The following TMEM182 variants were observed in gnomAD, a reference collection of about 807,000 sequenced individuals.
TMEM182 encodes the protein transmembrane protein 182.
TMEM182 carries 20 observed loss-of-function variants against 26.8 expected under a neutral mutation model. The observed-to-expected ratio is 0.75, with a 90% CI of 0.53 to 1.09. The LOEUF (loss-of-function observed/expected upper bound fraction) is 1.09, where lower values mean the gene tolerates loss of function less well. Ranked by LOEUF, TMEM182 falls within the 50% of genes least tolerant of loss-of-function variation. The pLI is 0.00. For missense variants in TMEM182, 277 were observed against 275.5 expected (o/e 1.01, Z -0.04); for synonymous variants, 109 against 102.2 (o/e 1.07, Z -0.40).
chr2:102,796,589 A>G (rs1348117419), intron 3 of TMEM182, among the ~76,000 whole-genome samples: 4 of 152,234 alleles, frequency 2.6e-5, no homozygotes, highest in African/African-American at 7.2e-5. Flanking sequence ...CAAAGCTGAC[A>G]TTAGTATCTC....
chr2:102,838,473 T>C (rs1248143685), intron 3 of TMEM182, among the ~76,000 whole-genome samples: 1 of 152,116 alleles, frequency 6.6e-6, no homozygotes, highest in East Asian at 1.9e-4. Context: ...CTGCAGGTGG[T>C]CAGGGAAGGC....
chr2:102,799,047 A>C (rs1286553071), intron 4 of TMEM182, among the ~76,000 whole-genome samples: 1 of 152,230 alleles, frequency 6.6e-6, no homozygotes, highest in African/African-American at 2.4e-5. Context: ...AAGCCAGACT[A>C]TTAACTTGGA....
At chr2:102,771,830 G>A (rs1286738348) in intron 3 of TMEM182, among the ~76,000 whole-genome samples, 1 of 152,192 alleles carries the variant, frequency 6.6e-6, no homozygotes, top group Non-Finnish European at 1.5e-5. Flanking sequence ...GGACTGTCCT[G>A]TGTATTGTGG....
At chr2:102,799,692 G>T (rs1682030867) in intron 4 of TMEM182, among the ~76,000 whole-genome samples, 1 of 152,220 alleles carries the variant, frequency 6.6e-6, no homozygotes, top group Admixed American at 6.5e-5. Context: ...TCTGGGTGTG[G>T]GGCGGGACCC....
At chr2:102,761,670 C>G (rs1045763492), upstream of TMEM182, among the ~76,000 whole-genome samples, 1 of 152,172 alleles carries the variant, frequency 6.6e-6, no homozygotes, top group African/African-American at 2.4e-5. Context: ...CAATTGTGTT[C>G]AAGATCGGTC....
chr2:102,826,010 G>A (rs1683024231), intron 3 of TMEM182, among the ~76,000 whole-genome samples: 1 of 152,192 alleles, frequency 6.6e-6, no homozygotes, highest in East Asian at 1.9e-4. Context: ...TACATGTTGA[G>A]TTAGTTGCAT....
In TMEM182 at chr2:102,825,438, G is replaced by A. The variant is rs147183893; in HGVS notation, c.326-17974G>A. Among the ~76,000 whole-genome samples the A allele has an allele frequency of 9.2e-5, 14 of 152,068 alleles. 1 individual carries two copies. Among genetic ancestry groups the A allele is most frequent in the East Asian group, 7.7e-4 (4 of 5,174 alleles). The stretch of plus-strand genomic sequence containing the variant: ...TAATTGTATTGTTTTAACATTTTTC[G>A]TGTCTTTAAATATTTCCAGTATTAT... On this transcript the variant is annotated intron_variant, in intron 3 of 3. Transcript: ENST00000486293.
chr2:102,784,383 C>T (rs996552629), intron 3 of TMEM182, among the ~76,000 whole-genome samples: 10 of 150,664 alleles, frequency 6.6e-5, no homozygotes, highest in African/African-American at 2.2e-4. Flanking sequence ...ATTTTTCTTA[C>T]TGAAAACACT....
intron 3 of TMEM182, among the ~76,000 whole-genome samples, chr2:102,789,686 T>A (rs999842400): frequency 6.6e-6 from 1 of 152,206 alleles, no homozygotes; most frequent in African/African-American, 2.4e-5. Flanking sequence ...ATTCTCTGTA[T>A]ACTTACAACA....
chr2:102,749,537 T>G (rs1679815335), intron 1 of TMEM182, among the ~76,000 whole-genome samples: 1 of 152,212 alleles, frequency 6.6e-6, no homozygotes, highest in African/African-American at 2.4e-5. Context: ...GTAAATATAC[T>G]AAAAATCATT....
At chr2:102,776,360 T>G (rs1327117563) in intron 3 of TMEM182, among the ~76,000 whole-genome samples, 9 of 152,160 alleles carry the variant, frequency 5.9e-5, no homozygotes, top group Non-Finnish European at 2.9e-5. Context: ...CAACCACTGA[T>G]CTTTTTGCTT....
intron 3 of TMEM182, chr2:102,775,035 T>C (rs961871950): frequency 4.6e-5 from 7 of 152,242 alleles, no homozygotes; most frequent in Non-Finnish European, 1.0e-4. Context: ...GACACTTTGG[T>C]ATGAGTTATA....
At chr2:102,782,481 A>G (rs189546069) in intron 3 of TMEM182, among the ~76,000 whole-genome samples, 1 of 152,262 alleles carries the variant, frequency 6.6e-6, no homozygotes, top group Admixed American at 6.5e-5. Context: ...TGATGAAAAC[A>G]TATATGGGGC....
chr2:102,749,106 C>T (rs1362276872), intron 1 of TMEM182, among the ~76,000 whole-genome samples: 1 of 152,130 alleles, frequency 6.6e-6, no homozygotes, highest in Non-Finnish European at 1.5e-5. Flanking sequence ...TATATTCTTA[C>T]TTATCTCACT....
intron 1 of TMEM182, among the ~76,000 whole-genome samples, chr2:102,751,371 A>T (rs1234453317): frequency 1.3e-5 from 2 of 151,948 alleles, no homozygotes; most frequent in African/African-American, 2.4e-5. Flanking sequence ...ATAAGCTTTC[A>T]CTTGGCCTGG....
exon 1 of TMEM182, chr2:102,736,968 A>G (rs1573473965): frequency 3.6e-6 from 3 of 832,730 alleles, no homozygotes; most frequent in Non-Finnish European, 3.6e-6. Flanking sequence ...GCTGGCTGGG[A>G]GTTCTGGTCT....
chr2:102,781,668 T>C (rs919084807), intron 3 of TMEM182, among the ~76,000 whole-genome samples: 3 of 152,062 alleles, frequency 2.0e-5, no homozygotes, highest in African/African-American at 7.2e-5. Context: ...TGAATGTTTT[T>C]TTCAGGGCAG....
chr2:102,821,618 G>T (rs1028981923), downstream of TMEM182, among the ~76,000 whole-genome samples: 1 of 152,080 alleles, frequency 6.6e-6, no homozygotes, highest in Non-Finnish European at 1.5e-5. Flanking sequence ...ACACAGTCTC[G>T]GGTATTTCTT....
At chr2:102,810,575 A>G (rs1372994549) in intron 4 of TMEM182, among the ~76,000 whole-genome samples, 1 of 152,194 alleles carries the variant, frequency 6.6e-6, no homozygotes, top group Non-Finnish European at 1.5e-5. Context: ...ATACGTTTCA[A>G]TCATTGTTTC....
Sources: gnomAD v4.1 joint callset for allele counts (sites outside exome capture counted in the v4.1 genomes callset) on GRCh38, gnomAD v4.1.1 for gene constraint, MANE v1.5 for transcripts, NCBI Gene and HGNC (gene_info 2026-07-23, HGNC 2026-07-21) for gene names.